The following ACVRL1 variants were observed in gnomAD, a reference collection of about 807,000 sequenced individuals.
ACVRL1 encodes activin A receptor like type 1, also known as activin receptor type-1-like.
In ACVRL1, 20 loss-of-function variants were observed where a neutral mutation model predicts 51.9. The ratio of observed to expected loss-of-function variants is 0.39; its 90% CI spans 0.27 to 0.56. The LOEUF (loss-of-function observed/expected upper bound fraction) is 0.56. Ranked by LOEUF, ACVRL1 falls within the 20% of genes least tolerant of loss-of-function variation. The pLI, the probability that ACVRL1 is intolerant of heterozygous loss-of-function variation, is 0.67. For missense variants in ACVRL1, 451 were observed against 670.3 expected (o/e 0.67, Z 3.61); for synonymous variants, 288 against 280.9 (o/e 1.03, Z -0.25).
chr12:51,915,408 G>C lies in ACVRL1; in HGVS notation c.956G>C (p.Gly319Ala). 1 of 1,613,628 alleles carries C rather than the reference G, an allele frequency of 6.2e-7. No homozygotes were observed. The highest frequency in any genetic ancestry group is 8.5e-7 in the Non-Finnish European group (1 of 1,179,976). Residue 319 changes from glycine (G) to alanine (A), a missense_variant, in exon 7 of 10, where the codon GGT (glycine) becomes GCT (alanine). Physicochemically the swap from Gly to Ala is moderately conservative, Grantham distance 60. Coordinates refer to ENST00000388922, the MANE Select transcript of ACVRL1 (RefSeq NM_000020.3). ...GLAHLHVEIF[G>A]TQGKPAIAHR... ...GCGCACCTGCACGTGGAGATCTTCGGTACACAGGGCAAACCAGCCATTGCC... is the reference window on the plus strand; with the variant it reads ...GCGCACCTGCACGTGGAGATCTTCGCTACACAGGGCAAACCAGCCATTGCC...
rs1315092968 is a variant in ACVRL1 at position 51,921,734 on chromosome 12, CCTT to C, written c.*845_*847del. 6.6e-6 allele frequency: 1 copy of C among 150,892 alleles called. No homozygotes were observed. Among genetic ancestry groups the C allele is most frequent in the African/African-American group, 2.5e-5 (1 of 40,228 alleles). The allele number at this position is 150,892 out of a possible 1,614,324, so 9.3% of individuals were successfully genotyped here. A position where few individuals can be genotyped will look rare whatever the true frequency, so the allele number is the denominator to read the frequency against. On this transcript the variant is annotated 3_prime_UTR_variant, in exon 10 of 10. Coordinates refer to ENST00000388922, the MANE Select transcript of ACVRL1 (RefSeq NM_000020.3). Reference sequence around the variant, plus strand: ...CTCAGGACCTTTTCTTTTCTTTTTTCCTTCTTTTTTTTTTTGACACGGAGTTTC... The same window carrying C: ...CTCAGGACCTTTTCTTTTCTTTTTTCCTTTTTTTTTTTGACACGGAGTTTC...
Position 51,917,886 on chromosome 12 carries a change from C to T in ACVRL1, c.1247-1099C>T, listed in dbSNP as rs942747961. 4.6e-5 allele frequency among the ~76,000 whole-genome samples: 7 copies of T among 152,158 alleles called. No individual in the cohort carries two copies. Among genetic ancestry groups the T allele is most frequent in the South Asian group, 2.1e-4 (1 of 4,826 alleles). Reference sequence around the variant, plus strand: ...GCTCCATCAGCCCCACACGGACTCGCGGCGCATTATAAACACTGTAATCTG... The same window carrying T: ...GCTCCATCAGCCCCACACGGACTCGTGGCGCATTATAAACACTGTAATCTG... On this transcript the variant is annotated intron_variant, in intron 8 of 9. Transcript: ENST00000388922. The surrounding 1 kb of genome is among the most constrained non-coding windows in gnomAD (Gnocchi z 4.2).
chr12:51,919,238 G>T, intron 9 of ACVRL1, 123 bp downstream of exon 9: 1 of 1,446,686 alleles, frequency 6.9e-7, no homozygotes, highest in Non-Finnish European at 9.5e-7. Flanking sequence ...CCTGGTTAGG[G>T]CACCTCTCTA....
At position 51,916,226 on chromosome 12, in the gene ACVRL1, C is replaced by T. The variant is rs755557465; in HGVS notation, c.1239C>T (p.Ile413=). The T allele has an allele frequency of 6.2e-6, 10 of 1,613,994 alleles. No homozygotes were observed. The highest frequency in any genetic ancestry group is 8.5e-6 in the Non-Finnish European group (10 of 1,179,972). ...TGTGGGAGATTGCCCGCCGGACCAT[C>T]GTGAATGGTGAGGGCCCACCCTACA... The part of the protein sequence containing the change: ...LVLWEIARRT[I]VNGIVEDYRP... Residue 413 remains isoleucine, a synonymous_variant, in exon 8 of 10, where the codon ATC becomes ATT. Transcript: ENST00000388922.
intron 8 of ACVRL1, 30 bp from the exon 9 acceptor site, chr12:51,918,955 G>A (rs1192411046): frequency 6.2e-7 from 1 of 1,614,234 alleles, no homozygotes; most frequent in Admixed American, 1.7e-5. Flanking sequence ...AGAGTCCCAA[G>A]TGATTGTCCT....
rs146492086 is a variant in ACVRL1 at position 51,916,052 on chromosome 12, C to T, written c.1065C>T (p.His355=). The change falls in exon 8 of 10, where the codon CAC becomes CAT. Residue 355 remains histidine, a synonymous_variant. Transcript: ENST00000388922. The part of the protein sequence containing the change: ...CIADLGLAVM[H]SQGSDYLDIG... ...CCCCCACAGGCCTGGCTGTGATGCACTCACAGGGCAGCGATTACCTGGACA... is the reference window on the plus strand; with the variant it reads ...CCCCCACAGGCCTGGCTGTGATGCATTCACAGGGCAGCGATTACCTGGACA... 9 of 1,612,818 alleles carry T rather than the reference C, an allele frequency of 5.6e-6. No individual in the cohort carries two copies. Among genetic ancestry groups the T allele is most frequent in the Non-Finnish European group, 7.6e-6 (9 of 1,179,226 alleles).
At position 51,916,179 on chromosome 12, in the gene ACVRL1, A is replaced by C. The variant is rs758384953; in HGVS notation, c.1192A>C (p.Ile398Leu). 6.2e-7 allele frequency: 1 copy of C among 1,614,176 alleles called. No individual in the cohort carries two copies. Among genetic ancestry groups the C allele is most frequent in the Non-Finnish European group, 8.5e-7 (1 of 1,180,024 alleles). ...DCFESYKWTD[I>L]WAFGLVLWEI... Reference sequence around the variant, plus strand: ...CTTTGAGTCCTACAAGTGGACTGACATCTGGGCCTTTGGCCTGGTGCTGTG... The same window carrying C: ...CTTTGAGTCCTACAAGTGGACTGACCTCTGGGCCTTTGGCCTGGTGCTGTG... The change falls in exon 8 of 10, where the codon ATC (isoleucine) becomes CTC (leucine). Residue 398 changes from isoleucine to leucine, a missense_variant. Transcript: ENST00000388922.
At chr12:51,907,271 C>G (rs534717776), upstream of ACVRL1, 1 of 151,452 alleles carries the variant, frequency 6.6e-6, no homozygotes, top group Non-Finnish European at 1.5e-5. This position sits in a 1 kb window ranked among gnomAD's most constrained non-coding sequence, Gnocchi z 4.5. Context: ...GTGGGAGGCC[C>G]GGCCCGGGTG....
At position 51,914,612 on chromosome 12, in the gene ACVRL1, G is replaced by A. The variant is rs201378973; in HGVS notation, c.772+27G>A. The stretch of plus-strand genomic sequence containing the variant: ...CAAGGGGAGAGGCCAGCTGTGCCAG[G>A]CCTGGGGCTTTGCCCCCCTGCACTC... On this transcript the variant is annotated intron_variant, in intron 6 of 9. Transcript: ENST00000388922. 5.0e-6 allele frequency: 8 copies of A among 1,600,854 alleles called. No homozygotes were observed. The South Asian group carries it at 7.9e-5, about 16-fold the overall frequency.
intron 2 of ACVRL1, 128 bp from the exon 3 acceptor site, chr12:51,912,971 A>G (rs1441522143): frequency 5.2e-6 from 7 of 1,356,580 alleles, no homozygotes; most frequent in Non-Finnish European, 7.1e-6. Flanking sequence ...GGATGAAAGT[A>G]AGAGACCAAA....
intron 1 of ACVRL1, among the ~76,000 whole-genome samples, chr12:51,910,510 A>AT (rs1940668263): frequency 6.6e-6 from 1 of 152,218 alleles, no homozygotes; most frequent in Non-Finnish European, 1.5e-5. Flanking sequence ...CTGATGCGTG[A>AT]TAAAGTAGAA....
rs116778422 is a variant in ACVRL1, at chr12:51,920,048, C to T, written c.1378-711C>T. Reference sequence around the variant, plus strand: ...GACATACATTTCTGTACAACATATCCGCAAAAAGCCACATGTATGCATTCC... The same window carrying T: ...GACATACATTTCTGTACAACATATCTGCAAAAAGCCACATGTATGCATTCC... On this transcript the variant is annotated intron_variant, in intron 9 of 9. Transcript: ENST00000388922. Among the ~76,000 whole-genome samples the T allele has an allele frequency of 4.5e-3, 685 of 152,214 alleles. 5 individuals carry two copies. The highest frequency in any genetic ancestry group is 0.016 in the African/African-American group (651 of 41,494).
chr12:51,915,259 G>C lies in ACVRL1; in HGVS notation c.807G>C (p.Ser269=). 1 of 1,614,060 alleles carries C rather than the reference G, an allele frequency of 6.2e-7. No homozygotes were observed. The highest frequency in any genetic ancestry group is 8.5e-7 in the Non-Finnish European group (1 of 1,180,028). Residue 269 remains serine (S), a synonymous_variant, in exon 7 of 10, where the codon TCG becomes TCC. Transcript: ENST00000388922. ...CCTCAGACATGACCTCCCGCAACTC[G>C]AGCACGCAGCTGTGGCTCATCACGC... ...FIASDMTSRN[S]STQLWLITHY...
rs1940960275 is a variant in ACVRL1 at position 51,920,851 on chromosome 12, A to G, written c.1470A>G (p.Gln490=). The G allele has an allele frequency of 1.2e-6, 2 of 1,613,856 alleles. No individual in the cohort carries two copies. Among genetic ancestry groups the G allele is most frequent in the Non-Finnish European group, 1.7e-6 (2 of 1,180,010 alleles). Residue 490 remains glutamine, a synonymous_variant, in exon 10 of 10, where the codon CAA becomes CAG. Coordinates refer to ENST00000388922, the MANE Select transcript of ACVRL1 (RefSeq NM_000020.3). ...CGCTGCGGATCAAGAAGACACTACA[A>G]AAAATTAGCAACAGTCCAGAGAAGC... is the stretch of plus-strand genomic sequence containing the variant. ...LTALRIKKTL[Q]KISNSPEKPK...
Position 51,920,981 on chromosome 12 carries a change from G to A in ACVRL1, c.*88G>A. Reference sequence around the variant, plus strand: ...TGCCCTATCTGGGTAGAGGTAGTGTGAGTGTGGTGTGTGCTGGGGATGGGC... The same window carrying A: ...TGCCCTATCTGGGTAGAGGTAGTGTAAGTGTGGTGTGTGCTGGGGATGGGC... On this transcript the variant is annotated 3_prime_UTR_variant, in exon 10 of 10. Transcript: ENST00000388922. 2 of 1,453,064 alleles carry A rather than the reference G, an allele frequency of 1.4e-6. No homozygotes were observed. The highest frequency in any genetic ancestry group is 1.9e-6 in the Non-Finnish European group (2 of 1,069,882). 90.0% of individuals were successfully genotyped at this position (1,453,064 alleles called of 1,614,324 possible).
In ACVRL1 at chr12:51,909,048, C is replaced by T. The variant is rs1220344061; in HGVS notation, c.-6+1353C>T. Among the ~76,000 whole-genome samples, 6 of 152,146 alleles carry T rather than the reference C, an allele frequency of 3.9e-5. No homozygotes were observed. The East Asian group carries it at 1.2e-3, about 29-fold the overall frequency. ...CTGCTCCTCTGCTGTTGGGGTAAGG[C>T]CTACTGAAGTGCAGAGTGAGTCCAG... On this transcript the variant is annotated intron_variant, in intron 1 of 9. Coordinates refer to ENST00000388922, the MANE Select transcript of ACVRL1 (RefSeq NM_000020.3).
chr12:51,920,688 C>T, intron 9 of ACVRL1, 71 bp from the exon 10 acceptor site: 1 of 1,567,698 alleles, frequency 6.4e-7, no homozygotes, highest in South Asian at 1.1e-5. Context: ...GCATCTCTCT[C>T]CCGACCCCCT....
chr12:51,917,878 C>A lies in ACVRL1; in HGVS notation c.1247-1107C>A, dbSNP rs912434560. 2.0e-5 allele frequency among the ~76,000 whole-genome samples: 3 copies of A among 152,176 alleles called. No individual in the cohort carries two copies. Among genetic ancestry groups the A allele is most frequent in the Non-Finnish European group, 4.4e-5 (3 of 68,028 alleles). ...AGGGGGAAGCTCCATCAGCCCCACA[C>A]GGACTCGCGGCGCATTATAAACACT... On this transcript the variant is annotated intron_variant, in intron 8 of 9. Transcript: ENST00000388922. The surrounding 1 kb of genome is among the most constrained non-coding windows in gnomAD (Gnocchi z 4.2).
At chr12:51,914,831 T>A (rs1328007549) in intron 6 of ACVRL1, among the ~76,000 whole-genome samples, 1 of 152,078 alleles carries the variant, frequency 6.6e-6, no homozygotes, top group Non-Finnish European at 1.5e-5. Context: ...GGAGCCTCAA[T>A]CTCTTGAGCT....
Sources: gnomAD v4.1 joint callset for allele counts (sites outside exome capture counted in the v4.1 genomes callset) on GRCh38, gnomAD v4.1.1 for gene constraint, Gnocchi (gnomAD v3.1) non-coding constraint, MANE v1.5 for transcripts, NCBI Gene and HGNC (gene_info 2026-07-23, HGNC 2026-07-21) for gene names.